COL4A3: variants seen among roughly 807,000 people sequenced by gnomAD.
The protein encoded by COL4A3 is collagen type IV alpha 3 chain.
A neutral mutation model predicts 217.4 loss-of-function variants in COL4A3; 135 were observed. The ratio of observed to expected loss-of-function variants is 0.62; its 90% CI spans 0.54 to 0.72. COL4A3 has a LOEUF of 0.72. Among genes scored for constraint, COL4A3 ranks in the 30% least tolerant of loss-of-function variants. COL4A3 has a pLI of 0.00. For synonymous variants in COL4A3, 690 were observed against 736.3 expected, an observed-to-expected ratio of 0.94 and a Z score of 1.02; for missense variants, 1,868 against 2,119.9, an observed-to-expected ratio of 0.88 and a Z score of 2.33.
chr2:227,304,962 A>G (rs1386619538), intron 46 of COL4A3, 23 bp from the exon 47 acceptor site: 13 of 1,597,304 alleles, frequency 8.1e-6, no homozygotes, highest in Non-Finnish European at 1.0e-5. Context: ...ATAAAATGCA[A>G]TACAATGTTG....
At chr2:227,236,714 C>T (rs998606394) in intron 1 of COL4A3, among the ~76,000 whole-genome samples, 54 of 149,050 alleles carry the variant, frequency 3.6e-4, no homozygotes, top group Non-Finnish European at 6.2e-4. Flanking sequence ...GGCTGGAGTG[C>T]AGTGGCATGA....
chr2:227,197,757 A>G lies in COL4A3; in HGVS notation c.87+32944A>G, dbSNP rs145515278. ...AACAAGAGGATAAGCAGAGTAGTCA[A>G]TACTCTCTGAGCCCACTGTTCTGTG... On this transcript the variant is annotated intron_variant, in intron 1 of 51. Coordinates refer to ENST00000396578, the MANE Select transcript of COL4A3 (RefSeq NM_000091.5). Among the ~76,000 whole-genome samples the G allele has an allele frequency of 7.2e-4, 109 of 152,324 alleles. 1 individual carries two copies. The highest frequency in any genetic ancestry group is 2.1e-3 in the African/African-American group (88 of 41,574).
chr2:227,249,212 G>GTATATATATATATA lies in COL4A3; in HGVS notation c.546+698_546+711dup, dbSNP rs1553751598. Among the ~76,000 whole-genome samples the GTATATATATATATA allele has an allele frequency of 2.1e-3, 71 of 33,182 alleles. 6 individuals carry two copies. Among genetic ancestry groups the GTATATATATATATA allele is most frequent in the Admixed American group, 2.8e-3 (8 of 2,814 alleles). The allele number at this position is 33,182 out of a possible 152,430, so 21.8% of individuals were successfully genotyped here. A position where few individuals can be genotyped will look rare whatever the true frequency, so the allele number is the denominator to read the frequency against. ...AATTATATATAACCAAAATTAGCTA[G>GTATATATATATATA]TATATATATATATATATATTTTTTT... On this transcript the variant is annotated intron_variant, in intron 9 of 51. Transcript: ENST00000396578.
intron 11 of COL4A3, among the ~76,000 whole-genome samples, chr2:227,251,667 T>C (rs1426253153): frequency 1.3e-5 from 2 of 152,320 alleles, no homozygotes; most frequent in African/African-American, 4.8e-5. Flanking sequence ...CAGCACATTA[T>C]CCTCTGAGTT....
At chr2:227,302,554 A>G (rs1413722245) in intron 43 of COL4A3, among the ~76,000 whole-genome samples, 3 of 151,766 alleles carry the variant, frequency 2.0e-5, no homozygotes, top group African/African-American at 7.3e-5. Context: ...GTGCATGCCT[A>G]TAATCCCAGC....
intron 1 of COL4A3, among the ~76,000 whole-genome samples, chr2:227,197,783 C>T (rs2066538277): frequency 6.6e-6 from 1 of 152,124 alleles, no homozygotes; most frequent in Non-Finnish European, 1.5e-5. Flanking sequence ...CTGTTCTGTG[C>T]CAGGCATGGT....
chr2:227,312,415 G>A lies in COL4A3; in HGVS notation c.*545G>A, dbSNP rs993442185. The A allele has an allele frequency of 1.3e-5, 2 of 154,982 alleles. No homozygotes were observed. The highest frequency in any genetic ancestry group is 2.9e-5 in the Non-Finnish European group (2 of 69,806). 9.6% of individuals were successfully genotyped at this position (154,982 alleles called of 1,614,324 possible). The stretch of plus-strand genomic sequence containing the variant: ...TGATGGAACACAGAACTGAACTGAG[G>A]TTCATGGATTTTCCAGGACTGTTTC... On this transcript the variant is annotated 3_prime_UTR_variant, in exon 52 of 52. Transcript: ENST00000396578.
At chr2:227,268,672 C>A (rs574060048) in intron 23 of COL4A3, 1 of 152,124 alleles carries the variant, frequency 6.6e-6, no homozygotes, top group Non-Finnish European at 1.5e-5. Context: ...GCTGCCCCTG[C>A]CCTGACTCAC....
intron 1 of COL4A3, among the ~76,000 whole-genome samples, chr2:227,204,074 C>T (rs1010856728): frequency 1.3e-5 from 2 of 152,030 alleles, no homozygotes; most frequent in Non-Finnish European, 2.9e-5. Flanking sequence ...ATTAAATGAA[C>T]AGCACTAATA....
At chr2:227,308,086 G>A (rs145872161) in intron 48 of COL4A3, among the ~76,000 whole-genome samples, 167 bp downstream of exon 48, 2 of 152,298 alleles carry the variant, frequency 1.3e-5, no homozygotes, top group African/African-American at 4.8e-5. Context: ...TTTCATTCTG[G>A]AATGTAAAAT....
intron 1 of COL4A3, among the ~76,000 whole-genome samples, chr2:227,196,296 C>T (rs1292016265): frequency 6.6e-6 from 1 of 151,936 alleles, no homozygotes; most frequent in Non-Finnish European, 1.5e-5. Context: ...TGGAAAATGC[C>T]CTATATAGGT....
At chr2:227,206,325 G>A (rs944935720) in intron 1 of COL4A3, among the ~76,000 whole-genome samples, 2 of 152,112 alleles carry the variant, frequency 1.3e-5, no homozygotes, top group South Asian at 2.1e-4. Flanking sequence ...CACCTGCCTT[G>A]GTCTCCCGTA....
At chr2:227,254,259 GTTT>G in intron 14 of COL4A3, 85 bp downstream of exon 14, 2 of 994,830 alleles carry the variant, frequency 2.0e-6, no homozygotes, top group Non-Finnish European at 2.9e-6. Context: ...GTCTTAAGTT[GTTT>G]TTTTTTTTAA....
chr2:227,203,192 T>G lies in COL4A3; in HGVS notation c.88-34776T>G, dbSNP rs1276832256. On this transcript the variant is annotated intron_variant, in intron 1 of 51. Coordinates refer to ENST00000396578, the MANE Select transcript of COL4A3 (RefSeq NM_000091.5). ...GTATATATGTGTATATGTGTGTATA[T>G]ATACATATATGTGTATATACACACA... 6.6e-5 allele frequency among the ~76,000 whole-genome samples: 2 copies of G among 30,294 alleles called. 1 individual carries two copies. The highest frequency in any genetic ancestry group is 1.9e-3 in the East Asian group (2 of 1,070). 19.9% of individuals were successfully genotyped at this position (30,294 alleles called of 152,430 possible).
At chr2:227,185,814 A>G (rs1342689174) in intron 1 of COL4A3, among the ~76,000 whole-genome samples, 1 of 152,242 alleles carries the variant, frequency 6.6e-6, no homozygotes, top group Non-Finnish European at 1.5e-5. Flanking sequence ...TTCTGGCTCA[A>G]TAAGTCTATG....
At position 227,282,317 on chromosome 2, in the gene COL4A3, G is replaced by T; in HGVS notation, c.2489-48G>T. The T allele has an allele frequency of 7.5e-7, 1 of 1,333,868 alleles. No individual in the cohort carries two copies. The highest frequency in any genetic ancestry group is 1.2e-5 in the South Asian group (1 of 85,192). 82.6% of individuals were successfully genotyped at this position (1,333,868 alleles called of 1,614,324 possible). A position where few individuals can be genotyped will look rare whatever the true frequency, so the allele number is the denominator to read the frequency against. ...ATATATATATTTCTGAAGTTAGTAG[G>T]GGAAAGCATTTGTGGGTTAATTAAT... On this transcript the variant is annotated intron_variant, in intron 31 of 51. Coordinates refer to ENST00000396578, the MANE Select transcript of COL4A3 (RefSeq NM_000091.5). This position sits in a 1 kb window ranked among gnomAD's most constrained non-coding sequence, Gnocchi z 4.4.
intron 11 of COL4A3, among the ~76,000 whole-genome samples, chr2:227,252,685 T>A (rs753987724): frequency 6.6e-6 from 1 of 151,810 alleles, no homozygotes; most frequent in African/African-American, 2.4e-5. Context: ...CAATAGACAG[T>A]ACATGGCAGA....
rs776919218 is a variant in COL4A3, at chr2:227,290,106, G to A, written c.3070+18G>A. 4 of 1,609,504 alleles carry A rather than the reference G, an allele frequency of 2.5e-6. No individual in the cohort carries two copies. Among genetic ancestry groups the A allele is most frequent in the Admixed American group, 1.7e-5 (1 of 60,008 alleles). ...CATGCCAGGTAATGCATAAGGTCCT[G>A]TTATGAGCCCACAAGCTCATGATGG... On this transcript the variant is annotated intron_variant, in intron 36 of 51. Coordinates refer to ENST00000396578, the MANE Select transcript of COL4A3 (RefSeq NM_000091.5).
chr2:227,283,350 GCC>G (rs1174966028), intron 32 of COL4A3, among the ~76,000 whole-genome samples: 3 of 152,078 alleles, frequency 2.0e-5, no homozygotes, highest in Admixed American at 2.0e-4. Context: ...ATTCTTCTAG[GCC>G]CTAGAGACAC....
Sources: gnomAD v4.1 joint callset for allele counts (sites outside exome capture counted in the v4.1 genomes callset) on GRCh38, gnomAD v4.1.1 for gene constraint, Gnocchi (gnomAD v3.1) non-coding constraint, MANE v1.5 for transcripts, NCBI Gene and HGNC (gene_info 2026-07-23, HGNC 2026-07-21) for gene names.